Variants in KIAA1217 observed in about 807,000 individuals in gnomAD.
KIAA1217 encodes KIAA1217, also known as sickle tail protein homolog.
In KIAA1217, 88 loss-of-function variants were observed where a neutral mutation model predicts 163.9. The observed-to-expected ratio is 0.54, with a 90% CI of 0.45 to 0.64. The LOEUF (loss-of-function observed/expected upper bound fraction) is 0.64. Ranked by LOEUF, KIAA1217 falls within the 30% of genes least tolerant of loss-of-function variation. The pLI is 0.00. For missense variants in KIAA1217, 2,372 were observed against 2,475.0 expected (o/e 0.96, Z 0.88); for synonymous variants, 903 against 923.1 (o/e 0.98, Z 0.39).
chr10:24,037,100 G>T (rs376878787), intron 2 of KIAA1217, among the ~76,000 whole-genome samples: 8 of 152,156 alleles, frequency 5.3e-5, no homozygotes, highest in African/African-American at 1.4e-4. Context: ...AAATGTCAAG[G>T]TTCAGTGTGT....
intron 1 of KIAA1217, among the ~76,000 whole-genome samples, chr10:23,982,574 T>TCTCTCC (rs1845817351): frequency 3.5e-5 from 5 of 142,150 alleles, no homozygotes; most frequent in African/African-American, 1.3e-4. Context: ...TCTCTCTCTC[T>TCTCTCC]CTCTCTCGGC....
chr10:24,389,124 C>T (rs943977304), intron 3 of KIAA1217, among the ~76,000 whole-genome samples: 1 of 152,078 alleles, frequency 6.6e-6, no homozygotes, highest in African/African-American at 2.4e-5. Context: ...CAGCACTATT[C>T]ACAATAGCAA....
intron 1 of KIAA1217, among the ~76,000 whole-genome samples, chr10:23,704,545 G>C (rs915835839): frequency 6.6e-6 from 1 of 151,858 alleles, no homozygotes; most frequent in Non-Finnish European, 1.5e-5. Flanking sequence ...CATGTATATG[G>C]AATCATAACA....
At chr10:24,150,268 G>A (rs548053150) in intron 2 of KIAA1217, among the ~76,000 whole-genome samples, 1 of 152,286 alleles carries the variant, frequency 6.6e-6, no homozygotes, top group South Asian at 2.1e-4. Context: ...ACCCACCTCA[G>A]CCTCCCAAAG....
chr10:23,806,800 G>A (rs1836762350), intron 1 of KIAA1217, among the ~76,000 whole-genome samples: 1 of 152,118 alleles, frequency 6.6e-6, no homozygotes, highest in African/African-American at 2.4e-5. Flanking sequence ...ACATTTTCGA[G>A]TTATTGATTC....
intron 2 of KIAA1217, among the ~76,000 whole-genome samples, chr10:24,258,884 C>T (rs1336036579): frequency 2.6e-5 from 4 of 152,128 alleles, no homozygotes; most frequent in Non-Finnish European, 4.4e-5. Flanking sequence ...TGAGCCACCG[C>T]GCCCGGCCGG....
At chr10:23,898,910 C>G (rs1841832129) in intron 1 of KIAA1217, among the ~76,000 whole-genome samples, 1 of 152,066 alleles carries the variant, frequency 6.6e-6, no homozygotes, top group Non-Finnish European at 1.5e-5. Context: ...GTCAGAATTT[C>G]CTTCCTTTTA....
At chr10:24,183,204 T>G (rs1404991875) in intron 2 of KIAA1217, among the ~76,000 whole-genome samples, 2 of 152,246 alleles carry the variant, frequency 1.3e-5, no homozygotes, top group Non-Finnish European at 2.9e-5. Flanking sequence ...GTGATACCCT[T>G]GAACTTCCCA....
At chr10:23,914,465 T>C (rs953551009) in intron 1 of KIAA1217, among the ~76,000 whole-genome samples, 2 of 152,028 alleles carry the variant, frequency 1.3e-5, no homozygotes, top group African/African-American at 4.8e-5. Flanking sequence ...CAGGTGCACA[T>C]CACTGCACTG....
chr10:24,355,908 C>T (rs896423259), intron 2 of KIAA1217, among the ~76,000 whole-genome samples: 2 of 151,130 alleles, frequency 1.3e-5, no homozygotes, highest in Non-Finnish European at 3.0e-5. Context: ...GCCACCACGC[C>T]CGGCTAATTT....
chr10:24,186,998 G>A (rs1775353943), intron 2 of KIAA1217, among the ~76,000 whole-genome samples: 2 of 152,194 alleles, frequency 1.3e-5, no homozygotes, highest in South Asian at 4.1e-4. Context: ...CTCAGGCTAT[G>A]TTTTTCGGCA....
At chr10:23,850,300 G>A (rs1839248167) in intron 1 of KIAA1217, among the ~76,000 whole-genome samples, 1 of 152,122 alleles carries the variant, frequency 6.6e-6, no homozygotes, top group South Asian at 2.1e-4. Flanking sequence ...TGTTTGAAGT[G>A]CTACCAGCTC....
Position 24,542,778 on chromosome 10 carries a change from C to T in KIAA1217, c.3612+8C>T, listed in dbSNP as rs772473456. ...CAAATGGAATTCCAAAAGGTGAGTT[C>T]ACCAGATCTGGGTTCCGACCAATAC... On this transcript the variant is annotated splice_region_variant and intron_variant, in intron 18 of 20. Coordinates refer to ENST00000376454, the MANE Select transcript of KIAA1217 (RefSeq NM_019590.5). 1.2e-6 allele frequency: 2 copies of T among 1,613,514 alleles called. No individual in the cohort carries two copies. The highest frequency in any genetic ancestry group is 2.7e-5 in the African/African-American group (2 of 75,022).
At chr10:23,901,636 T>C (rs1841958178) in intron 1 of KIAA1217, among the ~76,000 whole-genome samples, 1 of 152,078 alleles carries the variant, frequency 6.6e-6, no homozygotes, top group Non-Finnish European at 1.5e-5. Context: ...TGGCTAGGCA[T>C]GGCGGCTCAT....
chr10:23,966,146 CT>C (rs1163928241), intron 1 of KIAA1217, among the ~76,000 whole-genome samples: 1 of 152,124 alleles, frequency 6.6e-6, no homozygotes, highest in Non-Finnish European at 1.5e-5. Flanking sequence ...GTTTAATGAT[CT>C]GTTGTCTCCA....
chr10:23,801,189 G>C (rs1836450411), intron 1 of KIAA1217, among the ~76,000 whole-genome samples: 1 of 152,160 alleles, frequency 6.6e-6, no homozygotes, highest in Non-Finnish European at 1.5e-5. Context: ...CATGGATGAA[G>C]CTGGAAACCA....
chr10:24,299,406 T>C (rs2041021433), intron 2 of KIAA1217, among the ~76,000 whole-genome samples: 1 of 152,134 alleles, frequency 6.6e-6, no homozygotes, highest in African/African-American at 2.4e-5. Context: ...GCCTTTGATA[T>C]GTGAGTTTTT....
intron 1 of KIAA1217, among the ~76,000 whole-genome samples, chr10:23,893,079 C>T (rs1841486224): frequency 6.6e-6 from 1 of 151,948 alleles, no homozygotes; most frequent in South Asian, 2.1e-4. Context: ...CCAGTTCCTC[C>T]TTGTACCTCT....
intron 2 of KIAA1217, among the ~76,000 whole-genome samples, chr10:24,283,122 C>A (rs930118952): frequency 2.6e-5 from 4 of 151,586 alleles, no homozygotes; most frequent in Non-Finnish European, 4.4e-5. Flanking sequence ...CATGAGCCAC[C>A]GCAACCAGCC....
Sources: allele counts gnomAD v4.1 joint callset (sites outside exome capture counted in the v4.1 genomes callset), GRCh38; gene constraint gnomAD v4.1.1; transcripts MANE v1.5; gene names NCBI Gene and HGNC (gene_info 2026-07-23, HGNC 2026-07-21).